Variants in MAPRE2 observed in about 807,000 individuals in gnomAD.
MAPRE2 encodes the protein microtubule associated protein RP/EB family member 2, also known as microtubule-associated protein RP/EB family member 2.
In MAPRE2, 13 loss-of-function variants were observed where a neutral mutation model predicts 43.2. The ratio of observed to expected loss-of-function variants is 0.30; its 90% CI spans 0.20 to 0.48. MAPRE2 has a LOEUF of 0.48. Ranked by LOEUF, MAPRE2 falls within the 20% of genes least tolerant of loss-of-function variation. The probability of loss-of-function intolerance (pLI) is 0.99; values close to 1 mark genes in which losing one functional copy is unlikely to be tolerated. For synonymous variants in MAPRE2, 135 were observed against 148.8 expected (o/e 0.91, Z 0.68); for missense variants, 161 against 400.2 (o/e 0.40, Z 5.10).
chr18:35,097,993 C>T (rs1250049016), intron 3 of MAPRE2, among the ~76,000 whole-genome samples: 1 of 152,200 alleles, frequency 6.6e-6, no homozygotes, highest in African/African-American at 2.4e-5. Flanking sequence ...TATTTAAATT[C>T]TGAGTCTCAG....
chr18:35,037,014 C>T (rs1311522273), upstream of MAPRE2, among the ~76,000 whole-genome samples: 1 of 152,212 alleles, frequency 6.6e-6, no homozygotes, highest in African/African-American at 2.4e-5. Context: ...TTCCAAGTTT[C>T]CATTCTGACT....
At chr18:34,991,524 T>C (rs1341295438) in intron 1 of MAPRE2, among the ~76,000 whole-genome samples, 2 of 152,202 alleles carry the variant, frequency 1.3e-5, no homozygotes, top group Non-Finnish European at 2.9e-5. Flanking sequence ...AAAGGGAGTA[T>C]AATCATATTC....
intron 5 of MAPRE2, among the ~76,000 whole-genome samples, chr18:35,128,267 G>A (rs1205276486): frequency 6.6e-6 from 1 of 152,196 alleles, no homozygotes; most frequent in Non-Finnish European, 1.5e-5. Context: ...CTCAGTTTGA[G>A]CCCTGTTTCC....
chr18:35,064,276 G>C (rs940038677), intron 1 of MAPRE2, among the ~76,000 whole-genome samples: 5 of 151,754 alleles, frequency 3.3e-5, no homozygotes, highest in Non-Finnish European at 7.4e-5. Flanking sequence ...ACCAGAGCCA[G>C]ATCCCGGGAC....
chr18:34,984,678 A>G (rs2097018113), intron 1 of MAPRE2, among the ~76,000 whole-genome samples: 1 of 148,862 alleles, frequency 6.7e-6, no homozygotes, highest in Non-Finnish European at 1.5e-5. Flanking sequence ...TGGGTAAGGA[A>G]CCAATCCAAG....
At chr18:35,130,220 T>C (rs767852501) in intron 5 of MAPRE2, among the ~76,000 whole-genome samples, 3 of 152,142 alleles carry the variant, frequency 2.0e-5, no homozygotes, top group Non-Finnish European at 4.4e-5. Flanking sequence ...GAGATGGATT[T>C]TATGTCCAAA....
chr18:35,000,752 A>C (rs77048453), intron 1 of MAPRE2, among the ~76,000 whole-genome samples: 1 of 152,156 alleles, frequency 6.6e-6, no homozygotes, highest in Non-Finnish European at 1.5e-5. Context: ...CTCATTTCTG[A>C]GGAGCTGCCC....
intron 4 of MAPRE2, among the ~76,000 whole-genome samples, chr18:35,123,862 C>T (rs1335171477): frequency 6.6e-6 from 1 of 152,150 alleles, no homozygotes; most frequent in Non-Finnish European, 1.5e-5. Flanking sequence ...GTGACTAAAA[C>T]AGATGAAACA....
intron 1 of MAPRE2, among the ~76,000 whole-genome samples, chr18:34,980,023 C>CTTTTTTT (rs1450524683): frequency 1.7e-4 from 22 of 132,498 alleles, no homozygotes; most frequent in African/African-American, 5.9e-4. Flanking sequence ...TTTTCTTTTT[C>CTTTTTTT]TTTTTTTCTT....
intron 1 of MAPRE2, among the ~76,000 whole-genome samples, chr18:35,056,513 A>C (rs923821281): frequency 1.3e-5 from 2 of 152,188 alleles, no homozygotes; most frequent in Admixed American, 1.3e-4. Context: ...CTCTAACCCT[A>C]GGAACCTAGA....
chr18:35,128,631 T>C (rs1381289842), intron 5 of MAPRE2, among the ~76,000 whole-genome samples: 1 of 152,236 alleles, frequency 6.6e-6, no homozygotes. Flanking sequence ...TATCGTCTTA[T>C]ATCAGGGACT....
intron 1 of MAPRE2, among the ~76,000 whole-genome samples, chr18:35,002,563 G>C (rs1055642658): frequency 1.3e-5 from 2 of 151,972 alleles, no homozygotes; most frequent in African/African-American, 4.8e-5. Flanking sequence ...TCAAACCCTC[G>C]CCAACATTTG....
chr18:35,055,722 G>A (rs1906195822), intron 1 of MAPRE2, among the ~76,000 whole-genome samples: 1 of 152,188 alleles, frequency 6.6e-6, no homozygotes, highest in Non-Finnish European at 1.5e-5. Flanking sequence ...GGAGGCCGAG[G>A]TGGGCGGATC....
At chr18:35,013,978 G>A (rs1443713509) in intron 2 of MAPRE2, among the ~76,000 whole-genome samples, 7 of 152,040 alleles carry the variant, frequency 4.6e-5, no homozygotes, top group Admixed American at 6.6e-5. Flanking sequence ...TAAACATGGG[G>A]GTACAGATGT....
intron 1 of MAPRE2, among the ~76,000 whole-genome samples, chr18:34,990,162 C>T (rs2097023047): frequency 6.6e-6 from 1 of 152,170 alleles, no homozygotes; most frequent in South Asian, 2.1e-4. Context: ...AGGTTGCTCT[C>T]CACCATGGGA....
At chr18:35,016,483 A>T (rs892750489) in intron 2 of MAPRE2, among the ~76,000 whole-genome samples, 1 of 152,038 alleles carries the variant, frequency 6.6e-6, no homozygotes, top group Admixed American at 6.6e-5. Context: ...GTTGGTTAAC[A>T]TTTTAATAAT....
rs562003652 is a variant in MAPRE2, at chr18:35,026,557, G to A, written c.-8+21004G>A. ...GGCAACCCTCCCCATGAAAACAGGC[G>A]CAGTCTGCAGAGGCCTGTTCTTTTC... is the stretch of plus-strand genomic sequence containing the variant. On this transcript the variant is annotated intron_variant, in intron 2 of 7. Transcript: ENST00000413393. Among the ~76,000 whole-genome samples, 19 of 152,026 alleles carry A rather than the reference G, an allele frequency of 1.2e-4. 1 individual carries two copies. In the East Asian group the frequency reaches 2.3e-3, roughly 19 times the overall value.
chr18:35,075,167 G>A (rs1030092866), intron 2 of MAPRE2, among the ~76,000 whole-genome samples: 2 of 152,210 alleles, frequency 1.3e-5, no homozygotes, highest in South Asian at 2.1e-4. Flanking sequence ...CTATGTGGAA[G>A]GAGCAAGTAT....
intron 2 of MAPRE2, among the ~76,000 whole-genome samples, chr18:35,028,044 C>G (rs2097046169): frequency 6.6e-6 from 1 of 152,198 alleles, no homozygotes; most frequent in African/African-American, 2.4e-5. Context: ...CCCAGGGTAG[C>G]TGAACTTCTC....
Sources: gnomAD v4.1 joint callset for allele counts (sites outside exome capture counted in the v4.1 genomes callset) on GRCh38, gnomAD v4.1.1 for gene constraint, MANE v1.5 for transcripts, NCBI Gene and HGNC (gene_info 2026-07-23, HGNC 2026-07-21) for gene names.